ZFAT: variants seen among roughly 807,000 people sequenced by gnomAD.
ZFAT encodes the protein zinc finger protein ZFAT.
A neutral mutation model predicts 117.7 loss-of-function variants in ZFAT; 64 were observed. The ratio of observed to expected loss-of-function variants is 0.54; its 90% confidence interval spans 0.44 to 0.67. The LOEUF is 0.67. Among genes scored for constraint, ZFAT ranks in the 30% least tolerant of loss-of-function variants. The probability of loss-of-function intolerance (pLI) is 0.00; values close to 1 mark genes in which losing one functional copy is unlikely to be tolerated. For missense variants in ZFAT, 1,433 were observed against 1,584.5 expected (o/e 0.90, Z 1.62); for synonymous variants, 679 against 615.0 (o/e 1.10, Z -1.54).
the ZFAT span, among the ~76,000 whole-genome samples, chr8:134,738,121 T>C: frequency 1.3e-5 from 2 of 152,234 alleles, no homozygotes; most frequent in Admixed American, 1.3e-4. Context: ...GTTCCTGTAG[T>C]CTAGTGTTAC....
chr8:134,585,806 T>C (rs568402374), intron 9 of ZFAT, among the ~76,000 whole-genome samples: 1 of 152,224 alleles, frequency 6.6e-6, no homozygotes, highest in Non-Finnish European at 1.5e-5. Context: ...AGCCAGTGTT[T>C]AGAACTGCTG....
intron 15 of ZFAT, among the ~76,000 whole-genome samples, chr8:134,498,193 T>A (rs545601324): frequency 3.7e-4 from 27 of 73,928 alleles, no homozygotes; most frequent in South Asian, 3.4e-3. Context: ...GAGCCTGATT[T>A]GGTAGGGTTG....
intron 3 of ZFAT, among the ~76,000 whole-genome samples, chr8:134,634,588 GACAC>G (rs60734517): frequency 6.6e-6 from 1 of 151,154 alleles, no homozygotes; most frequent in Non-Finnish European, 1.5e-5. Flanking sequence ...TATACATATT[GACAC>G]ACACACACAC....
intron 1 of ZFAT, 87 bp from the exon 2 acceptor site, chr8:134,657,824 G>T: frequency 7.2e-7 from 1 of 1,389,484 alleles, no homozygotes; most frequent in African/African-American, 1.4e-5. Context: ...ACCGAAAGCT[G>T]CCCTTCTGAG....
At chr8:134,691,306 G>C (rs1357790725) in intron 1 of ZFAT, among the ~76,000 whole-genome samples, 1 of 151,724 alleles carries the variant, frequency 6.6e-6, no homozygotes, top group African/African-American at 2.4e-5. Flanking sequence ...CTTCTCTCCT[G>C]CAGGCCTGGC....
chr8:134,766,477 T>C, the ZFAT span: 1 of 152,240 alleles, frequency 6.6e-6, no homozygotes, highest in Non-Finnish European at 1.5e-5. Flanking sequence ...TCATCTGTCA[T>C]GCCCATCTTG....
At chr8:134,522,591 C>A (rs961522890) in intron 12 of ZFAT, among the ~76,000 whole-genome samples, 1 of 152,192 alleles carries the variant, frequency 6.6e-6, no homozygotes, top group Non-Finnish European at 1.5e-5. Context: ...CCAAAACTTA[C>A]AACTTTTATT....
At chr8:134,565,452 C>A (rs374474239) in intron 10 of ZFAT, 31 bp from the exon 11 acceptor site, 37 of 1,603,942 alleles carry the variant, frequency 2.3e-5, no homozygotes, top group Middle Eastern at 3.3e-4. Flanking sequence ...AGATGAGCGT[C>A]GCCAGGCCAA....
the ZFAT span, among the ~76,000 whole-genome samples, chr8:134,724,740 G>T: frequency 2.0e-5 from 3 of 152,026 alleles, no homozygotes; most frequent in Non-Finnish European, 4.4e-5. Flanking sequence ...CACAGTGCAG[G>T]CTAGAAGCTC....
the ZFAT span, among the ~76,000 whole-genome samples, chr8:134,825,507 T>G: frequency 2.0e-5 from 3 of 152,236 alleles, no homozygotes; most frequent in Non-Finnish European, 4.4e-5. Context: ...GGATCTCAGA[T>G]AGTTATTTCT....
At position 134,664,165 on chromosome 8, in the gene ZFAT, C is replaced by A. The variant is rs188133167; in HGVS notation, c.20-6428G>T. On this transcript the variant is annotated intron_variant, in intron 1 of 15. Coordinates refer to ENST00000377838, the MANE Select transcript of ZFAT (RefSeq NM_020863.4). The stretch of plus-strand genomic sequence containing the variant: ...CCACCCCTATGAACACTCCCTCATT[C>A]AATCCCCCACCTCTCTGCTGGCCAG... Among the ~76,000 whole-genome samples, 556 of 152,018 alleles carry A rather than the reference C, an allele frequency of 3.7e-3. 8 individuals carry two copies. Among genetic ancestry groups the A allele is most frequent in the African/African-American group, 0.013 (524 of 41,468 alleles).
chr8:134,831,411 T>C, the ZFAT span, among the ~76,000 whole-genome samples: 3 of 152,214 alleles, frequency 2.0e-5, no homozygotes, highest in East Asian at 3.8e-4. Flanking sequence ...CATTAAACAC[T>C]GGCATAGCAA....
In ZFAT at chr8:134,697,137, G is replaced by A. The variant is rs1196038679; in HGVS notation, c.19+15708C>T. Among the ~76,000 whole-genome samples, 12 of 147,906 alleles carry A rather than the reference G, an allele frequency of 8.1e-5. No homozygotes were observed. In the South Asian group the frequency reaches 1.5e-3, roughly 19 times the overall value. Reference sequence around the variant, plus strand: ...TGGTTTTGAGATGGAGTCTCACTCCGTTGGTCTCGCTCTGTCACCCAGGCT... The same window carrying A: ...TGGTTTTGAGATGGAGTCTCACTCCATTGGTCTCGCTCTGTCACCCAGGCT... On this transcript the variant is annotated intron_variant, in intron 1 of 15. Coordinates refer to ENST00000377838, the MANE Select transcript of ZFAT (RefSeq NM_020863.4).
chr8:134,557,904 CAGG>C, intron 11 of ZFAT, among the ~76,000 whole-genome samples: 1 of 152,310 alleles, frequency 6.6e-6, no homozygotes, highest in East Asian at 1.9e-4. Flanking sequence ...GTGCTGTTTA[CAGG>C]AGAACATTTT....
chr8:134,571,595 C>T (rs1824908342), intron 10 of ZFAT, among the ~76,000 whole-genome samples: 1 of 152,100 alleles, frequency 6.6e-6, no homozygotes, highest in Admixed American at 6.6e-5. Flanking sequence ...AAAAATAGGT[C>T]TTGACCAAAC....
intron 13 of ZFAT, among the ~76,000 whole-genome samples, chr8:134,520,053 T>C (rs1196547849): frequency 6.6e-6 from 1 of 152,180 alleles, no homozygotes; most frequent in African/African-American, 2.4e-5. Context: ...GGATTCTGTT[T>C]AAAAAGCCTT....
At chr8:134,647,767 GA>G (rs1183911607) in intron 2 of ZFAT, among the ~76,000 whole-genome samples, 2 of 151,740 alleles carry the variant, frequency 1.3e-5, no homozygotes, top group East Asian at 1.9e-4. Flanking sequence ...TAATAGCGTC[GA>G]AAAAAATACT....
At chr8:134,803,264 T>G in the ZFAT span, among the ~76,000 whole-genome samples, 1 of 152,202 alleles carries the variant, frequency 6.6e-6, no homozygotes. Flanking sequence ...TAAAGCAGTA[T>G]ATCAAAATTT....
intron 1 of ZFAT, among the ~76,000 whole-genome samples, chr8:134,671,453 A>G (rs1367003908): frequency 2.0e-5 from 3 of 152,192 alleles, no homozygotes; most frequent in African/African-American, 7.2e-5. Context: ...TTCAACATAC[A>G]CAAATCAATA....
Sources: allele counts gnomAD v4.1 joint callset (sites outside exome capture counted in the v4.1 genomes callset), GRCh38; gene constraint gnomAD v4.1.1; transcripts MANE v1.5; gene names NCBI Gene and HGNC (gene_info 2026-07-23, HGNC 2026-07-21).